Variants in AFF2 observed in about 807,000 individuals in gnomAD.
The protein encoded by AFF2 is AF4/FMR2 family member 2.
In AFF2, 14 loss-of-function variants were observed where a neutral mutation model predicts 76.9. The ratio of observed to expected loss-of-function variants is 0.18; its 90% CI spans 0.12 to 0.28. The LOEUF is 0.28. Ranked by LOEUF, AFF2 falls within the 10% of genes least tolerant of loss-of-function variation. The probability of loss-of-function intolerance (pLI) is 1.00; values close to 1 mark genes in which losing one functional copy is unlikely to be tolerated. For missense variants in AFF2, 868 were observed against 1,001.1 expected (o/e 0.87, Z 1.79); for synonymous variants, 398 against 366.7 (o/e 1.09, Z -0.98).
chrX:148,829,766 G>A (rs782501616), intron 4 of AFF2, among the ~76,000 whole-genome samples: 6 of 111,855 alleles, frequency 5.4e-5, no homozygotes, highest in African/African-American at 1.6e-4. Context: ...AGGACATTTC[G>A]CCTTCAGAGA....
intron 3 of AFF2, among the ~76,000 whole-genome samples, chrX:148,757,870 G>T (rs2069393382): frequency 8.9e-6 from 1 of 112,145 alleles, no homozygotes; most frequent in Non-Finnish European, 1.9e-5. Flanking sequence ...GCTGGGAAGA[G>T]AACCAGCAAT....
chrX:148,985,351 G>A (rs1557291407), intron 19 of AFF2, among the ~76,000 whole-genome samples: 1 of 81,785 alleles, frequency 1.2e-5, no homozygotes, highest in African/African-American at 4.9e-5. Flanking sequence ...TCCCAGGCTG[G>A]AGCACAGTTG....
chrX:148,993,204 C>G lies in AFF2; in HGVS notation c.*1872C>G, dbSNP rs1330129490. On this transcript the variant is annotated 3_prime_UTR_variant, in exon 21 of 21. Transcript: ENST00000370460. The stretch of plus-strand genomic sequence containing the variant: ...GATGGGAGCATCCCTGCAGCTGAAC[C>G]CAGCACTTTTTATGCTCCCACTGTG... 3 of 112,717 alleles carry G rather than the reference C, an allele frequency of 2.7e-5. No individual in the cohort carries two copies. The highest frequency in any genetic ancestry group is 9.7e-5 in the African/African-American group (3 of 30,904). The allele number at this position is 112,717 out of a possible 1,213,427, so 9.3% of individuals were successfully genotyped here.
chrX:148,751,084 T>G (rs781946839), intron 3 of AFF2, among the ~76,000 whole-genome samples: 3 of 112,609 alleles, frequency 2.7e-5, no homozygotes, highest in Non-Finnish European at 5.6e-5. Flanking sequence ...AATTCTCCAG[T>G]GTTTGCTGAC....
intron 1 of AFF2, among the ~76,000 whole-genome samples, chrX:148,529,036 CTT>C (rs1310224466): frequency 8.9e-6 from 1 of 112,069 alleles, no homozygotes; most frequent in Non-Finnish European, 1.9e-5. Flanking sequence ...ATAATCATAA[CTT>C]AAGTTATATT....
intron 1 of AFF2, among the ~76,000 whole-genome samples, chrX:148,590,462 T>C (rs1557246492): frequency 1.8e-5 from 2 of 111,448 alleles, no homozygotes; most frequent in East Asian, 2.8e-4. Context: ...TAGGCCTCCC[T>C]CCCTTTCTTC....
rs1603276135 is a variant in AFF2, at chrX:148,682,457, C to G, written c.1041+19689C>G. 4.5e-5 allele frequency among the ~76,000 whole-genome samples: 5 copies of G among 111,612 alleles called. No individual in the cohort carries two copies. In the South Asian group the frequency reaches 1.9e-3, roughly 42 times the overall value. On this transcript the variant is annotated intron_variant, in intron 3 of 20. Transcript: ENST00000370460. ...CACAGGTTACATGGGAAATAAAGGA[C>G]AGCCAGACCAGCCCGCTTCTGGGAA...
chrX:148,636,519 C>T (rs782643978), intron 1 of AFF2, among the ~76,000 whole-genome samples: 2 of 112,091 alleles, frequency 1.8e-5, no homozygotes, highest in African/African-American at 3.2e-5. Flanking sequence ...TGCCCAACAG[C>T]AAATGAATGC....
In AFF2 at chrX:148,542,794, G is replaced by A. The variant is rs782136563; in HGVS notation, c.47+41650G>A. Among the ~76,000 whole-genome samples, 220 of 112,337 alleles carry A rather than the reference G, an allele frequency of 2.0e-3. 1 individual carries two copies. The highest frequency in any genetic ancestry group is 6.9e-3 in the African/African-American group (212 of 30,927). On this transcript the variant is annotated intron_variant, in intron 1 of 20. Transcript: ENST00000370460. The stretch of plus-strand genomic sequence containing the variant: ...CCTAGAGCGAGGAGAAACTCGGTAT[G>A]TATTGTTAAACAGAATGGATTAAAA...
At chrX:148,701,378 C>T (rs984970215) in intron 3 of AFF2, among the ~76,000 whole-genome samples, 5 of 110,907 alleles carry the variant, frequency 4.5e-5, no homozygotes, top group Non-Finnish European at 7.5e-5. Flanking sequence ...ATAGGGTCCT[C>T]CATCTGTTCT....
intron 3 of AFF2, among the ~76,000 whole-genome samples, chrX:148,686,144 A>G (rs139129549): frequency 0.014 from 1,566 of 112,078 alleles, 28 homozygotes; most frequent in African/African-American, 0.045. Context: ...AGCCTAAGTG[A>G]ATCTGTGAGA....
At chrX:148,985,475 C>T (rs966245695) in intron 19 of AFF2, among the ~76,000 whole-genome samples, 6 of 108,073 alleles carry the variant, frequency 5.6e-5, no homozygotes, top group Non-Finnish European at 1.1e-4. Context: ...TAACTTCTTT[C>T]GACATTTGTG....
At chrX:148,858,853 C>A (rs1437396910) in intron 7 of AFF2, among the ~76,000 whole-genome samples, 2 of 109,487 alleles carry the variant, frequency 1.8e-5, no homozygotes, top group African/African-American at 6.6e-5. Flanking sequence ...ATTTATAATG[C>A]AATTCCAATT....
At chrX:148,772,534 C>A (rs1426949188) in intron 3 of AFF2, among the ~76,000 whole-genome samples, 3 of 62,085 alleles carry the variant, frequency 4.8e-5, no homozygotes, top group South Asian at 1.4e-3. Flanking sequence ...TTTTTTCTTT[C>A]TTTCTTTCTT....
At chrX:148,539,352 T>C (rs1438030201) in intron 1 of AFF2, among the ~76,000 whole-genome samples, 1 of 111,616 alleles carries the variant, frequency 9.0e-6, no homozygotes. Flanking sequence ...GAATTGTGAT[T>C]GGAAGCTGGC....
intron 7 of AFF2, among the ~76,000 whole-genome samples, chrX:148,846,077 C>G (rs2046617927): frequency 8.9e-6 from 1 of 111,970 alleles, no homozygotes; most frequent in Non-Finnish European, 1.9e-5. Context: ...AGCCAGTCTC[C>G]CTCTTTCTTT....
chrX:148,899,481 GA>G (rs1223676253), intron 8 of AFF2, among the ~76,000 whole-genome samples: 7 of 110,876 alleles, frequency 6.3e-5, no homozygotes, highest in Non-Finnish European at 9.5e-5. Flanking sequence ...ACAATCATGT[GA>G]AAAAAAATTA....
intron 16 of AFF2, among the ~76,000 whole-genome samples, chrX:148,977,721 C>G (rs1482404180): frequency 9.0e-6 from 1 of 110,782 alleles, no homozygotes; most frequent in African/African-American, 3.3e-5. Flanking sequence ...CAGAGTTCAA[C>G]TCTGTATTTC....
intron 1 of AFF2, among the ~76,000 whole-genome samples, chrX:148,601,402 T>C (rs1557248044): frequency 8.9e-6 from 1 of 112,067 alleles, no homozygotes; most frequent in Non-Finnish European, 1.9e-5. Context: ...CTGGCATCTA[T>C]GTAAATCGTC....
Sources: allele counts gnomAD v4.1 joint callset (sites outside exome capture counted in the v4.1 genomes callset), GRCh38; gene constraint gnomAD v4.1.1; transcripts MANE v1.5; gene names NCBI Gene and HGNC (gene_info 2026-07-23, HGNC 2026-07-21).